GALNT13: variants seen among roughly 807,000 people sequenced by gnomAD.
GALNT13 encodes polypeptide N-acetylgalactosaminyltransferase 13.
In GALNT13, 28 loss-of-function variants were observed where a neutral mutation model predicts 64.2. The observed-to-expected ratio is 0.44, with a 90% CI of 0.32 to 0.60. The LOEUF (loss-of-function observed/expected upper bound fraction) is 0.60. GALNT13 is among the 20% of genes least tolerant of loss of function. GALNT13 has a pLI of 0.05. For synonymous variants in GALNT13, 214 were observed against 224.6 expected, an observed-to-expected ratio of 0.95 and a Z score of 0.42; for missense variants, 577 against 669.8, an observed-to-expected ratio of 0.86 and a Z score of 1.53.
chr2:154,402,283 A>G (rs1204068096), intron 10 of GALNT13, among the ~76,000 whole-genome samples: 1 of 152,162 alleles, frequency 6.6e-6, no homozygotes, highest in Non-Finnish European at 1.5e-5. Flanking sequence ...TAGAAATGGA[A>G]TTCTCATTGC....
At chr2:153,271,873 A>C in the GALNT13 span, among the ~76,000 whole-genome samples, 20,369 of 152,240 alleles carry the variant, frequency 0.13, 1,670 homozygotes, top group Non-Finnish European at 0.18. Context: ...ACTATACTAC[A>C]AGGCTACAGT....
At chr2:153,628,789 A>C in the GALNT13 span, among the ~76,000 whole-genome samples, 1 of 152,062 alleles carries the variant, frequency 6.6e-6, no homozygotes, top group East Asian at 1.9e-4. Context: ...TTCATCAAGG[A>C]TATTGGTCTA....
At chr2:154,317,382 T>G (rs572760672) in intron 9 of GALNT13, among the ~76,000 whole-genome samples, 3 of 152,258 alleles carry the variant, frequency 2.0e-5, no homozygotes, top group Non-Finnish European at 4.4e-5. Flanking sequence ...TTTAGTGAAG[T>G]AAGCTACAAA....
chr2:153,454,271 A>G, the GALNT13 span, among the ~76,000 whole-genome samples: 1 of 151,662 alleles, frequency 6.6e-6, no homozygotes, highest in Non-Finnish European at 1.5e-5. Context: ...GAAATTATGT[A>G]TATATATATA....
At chr2:153,184,001 C>A in the GALNT13 span, among the ~76,000 whole-genome samples, 77 of 152,186 alleles carry the variant, frequency 5.1e-4, no homozygotes, top group Admixed American at 1.5e-3. Context: ...TTATCTAATT[C>A]TGTGAAGAAT....
At chr2:153,923,004 AT>A (rs1471448617) in intron 2 of GALNT13, among the ~76,000 whole-genome samples, 3 of 151,884 alleles carry the variant, frequency 2.0e-5, no homozygotes, top group Non-Finnish European at 4.4e-5. Flanking sequence ...GGTTCAAGCA[AT>A]TCTCCTGCCT....
the GALNT13 span, among the ~76,000 whole-genome samples, chr2:153,786,796 AC>A: frequency 6.6e-6 from 1 of 152,088 alleles, no homozygotes; most frequent in Admixed American, 6.5e-5. Flanking sequence ...TACCCCTGCT[AC>A]CCTCAGACTA....
chr2:153,497,231 A>G, the GALNT13 span, among the ~76,000 whole-genome samples: 3 of 152,116 alleles, frequency 2.0e-5, no homozygotes, highest in Non-Finnish European at 4.4e-5. Context: ...AGCACTAAAT[A>G]TAGTTGATAA....
chr2:153,223,467 A>G, the GALNT13 span, among the ~76,000 whole-genome samples: 1 of 152,220 alleles, frequency 6.6e-6, no homozygotes, highest in Non-Finnish European at 1.5e-5. Context: ...TTGAATAGAA[A>G]TCATACGAAG....
Position 154,024,642 on chromosome 2 carries a change from C to A in GALNT13, c.142+80003C>A, listed in dbSNP as rs866276867. ...ACTTCTTTGCCATTGGTTTGAATTTCCTCCTGTAGCTCGGAGTAGTTTGAT... is the reference window on the plus strand; with the variant it reads ...ACTTCTTTGCCATTGGTTTGAATTTACTCCTGTAGCTCGGAGTAGTTTGAT... On this transcript the variant is annotated intron_variant, in intron 3 of 12. Coordinates refer to ENST00000392825, the MANE Select transcript of GALNT13 (RefSeq NM_052917.4). 5.9e-4 allele frequency among the ~76,000 whole-genome samples: 90 copies of A among 152,236 alleles called. 1 individual carries two copies. The highest frequency in any genetic ancestry group is 6.8e-3 in the Middle Eastern group (2 of 294).
chr2:153,885,381 T>G (rs1687101066), intron 1 of GALNT13, among the ~76,000 whole-genome samples: 1 of 152,112 alleles, frequency 6.6e-6, no homozygotes, highest in Non-Finnish European at 1.5e-5. Context: ...GTTTTATGAA[T>G]GTGTGTAACC....
chr2:153,662,257 C>T, the GALNT13 span, among the ~76,000 whole-genome samples: 1 of 152,078 alleles, frequency 6.6e-6, no homozygotes, highest in African/African-American at 2.4e-5. Context: ...AAGGGCTATC[C>T]CATGTCCAGA....
At chr2:153,533,723 CTTTT>C in the GALNT13 span, among the ~76,000 whole-genome samples, 32 of 48,728 alleles carry the variant, frequency 6.6e-4, no homozygotes, top group African/African-American at 2.0e-3. Flanking sequence ...TGAGGTTTTT[CTTTT>C]TTTTTTTTTT....
chr2:153,769,212 T>G, the GALNT13 span, among the ~76,000 whole-genome samples: 83 of 152,226 alleles, frequency 5.5e-4, no homozygotes, highest in Non-Finnish European at 1.0e-3. Flanking sequence ...ACTTAAGTGT[T>G]ATTTTATGAT....
chr2:154,031,605 A>G (rs966055133), intron 3 of GALNT13, among the ~76,000 whole-genome samples: 5 of 152,024 alleles, frequency 3.3e-5, no homozygotes, highest in African/African-American at 1.2e-4. Context: ...TAGAATTGCT[A>G]TATTAATATC....
chr2:153,720,720 GATGAAATGA>G, the GALNT13 span, among the ~76,000 whole-genome samples: 16 of 150,672 alleles, frequency 1.1e-4, no homozygotes, highest in African/African-American at 3.9e-4. Flanking sequence ...AGCAATGGAA[GATGAAATGA>G]ATGAAATGAA....
At chr2:153,252,583 T>C in the GALNT13 span, among the ~76,000 whole-genome samples, 1 of 152,108 alleles carries the variant, frequency 6.6e-6, no homozygotes, top group Non-Finnish European at 1.5e-5. Flanking sequence ...TAGGTTTTCT[T>C]CTAGGGTTTT....
chr2:153,289,500 A>T, the GALNT13 span, among the ~76,000 whole-genome samples: 1 of 152,192 alleles, frequency 6.6e-6, no homozygotes, highest in African/African-American at 2.4e-5. Context: ...GTTGAATAAG[A>T]ATGTAAGGCA....
chr2:153,827,642 A>G, the GALNT13 span, among the ~76,000 whole-genome samples: 27 of 151,160 alleles, frequency 1.8e-4, no homozygotes, highest in African/African-American at 6.1e-4. Context: ...AAAAAAAAAA[A>G]ACGATTTGGG....
Sources: gnomAD v4.1 joint callset for allele counts (sites outside exome capture counted in the v4.1 genomes callset) on GRCh38, gnomAD v4.1.1 for gene constraint, MANE v1.5 for transcripts, NCBI Gene and HGNC (gene_info 2026-07-23, HGNC 2026-07-21) for gene names.